KCNMB4: variants seen among roughly 807,000 people sequenced by gnomAD.
KCNMB4 encodes potassium calcium-activated channel subfamily M regulatory beta subunit 4.
Under a neutral mutation model 20.7 loss-of-function variants are expected in KCNMB4, and 3 were observed. The ratio of observed to expected loss-of-function variants is 0.14; its 90% CI spans 0.07 to 0.37. The LOEUF (loss-of-function observed/expected upper bound fraction) is 0.37. Among genes scored for constraint, KCNMB4 ranks in the 10% least tolerant of loss-of-function variants. The pLI is 1.00. For synonymous variants in KCNMB4, 110 were observed against 113.4 expected (o/e 0.97, Z 0.19); for missense variants, 168 against 265.9 (o/e 0.63, Z 2.56).
rs376186047 is a variant in KCNMB4 at position 70,405,692 on chromosome 12, C to T, written c.464+5356C>T. Among the ~76,000 whole-genome samples the T allele has an allele frequency of 5.9e-5, 9 of 152,310 alleles. No homozygotes were observed. The East Asian group carries it at 1.7e-3, about 29-fold the overall frequency. Reference sequence around the variant, plus strand: ...TGACTCTTCAAGATCCTGAAGAGCACTCCTCCTTTTACCACAGCAGTATTC... The same window carrying T: ...TGACTCTTCAAGATCCTGAAGAGCATTCCTCCTTTTACCACAGCAGTATTC... On this transcript the variant is annotated intron_variant, in intron 2 of 2. Transcript: ENST00000258111.
chr12:70,403,840 T>G (rs1868523187), intron 2 of KCNMB4, among the ~76,000 whole-genome samples: 1 of 152,242 alleles, frequency 6.6e-6, no homozygotes, highest in Non-Finnish European at 1.5e-5. Flanking sequence ...GTTAAGGGTA[T>G]GGGCCAGTCT....
intron 1 of KCNMB4, among the ~76,000 whole-genome samples, chr12:70,369,537 C>T (rs531896738): frequency 2.6e-5 from 4 of 152,266 alleles, no homozygotes; most frequent in South Asian, 2.1e-4. Context: ...GAATCCCAGC[C>T]GCCTCCAGGC....
chr12:70,424,398 G>C (rs1221746885), intron 2 of KCNMB4, among the ~76,000 whole-genome samples: 1 of 149,712 alleles, frequency 6.7e-6, no homozygotes, highest in Non-Finnish European at 1.5e-5. Flanking sequence ...CCGAGATCGC[G>C]CCACTGCAGT....
chr12:70,366,683 C>A lies in KCNMB4; in HGVS notation c.-52C>A. The A allele has an allele frequency of 7.7e-7, 1 of 1,300,304 alleles. No homozygotes were observed. The highest frequency in any genetic ancestry group is 9.8e-7 in the Non-Finnish European group (1 of 1,024,322). 80.5% of individuals were successfully genotyped at this position (1,300,304 alleles called of 1,614,324 possible). A position where few individuals can be genotyped will look rare whatever the true frequency, so the allele number is the denominator to read the frequency against. On this transcript the variant is annotated 5_prime_UTR_variant, in exon 1 of 3. Transcript: ENST00000258111. ...CGCCCGAGGCAGTCGGGCTCGGCGC[C>A]GGGGGCGGGAGGGGGCGGGGGGAGC... is the stretch of plus-strand genomic sequence containing the variant.
At chr12:70,371,123 C>T (rs1003266189) in intron 1 of KCNMB4, among the ~76,000 whole-genome samples, 4 of 152,200 alleles carry the variant, frequency 2.6e-5, no homozygotes, top group Non-Finnish European at 5.9e-5. Context: ...TCCCAAAGTG[C>T]TGGGATTACA....
chr12:70,393,897 C>G (rs1868326650), intron 1 of KCNMB4, among the ~76,000 whole-genome samples: 1 of 152,106 alleles, frequency 6.6e-6, no homozygotes, highest in Non-Finnish European at 1.5e-5. Context: ...TCTGTACATT[C>G]CATTTCTTCT....
intron 2 of KCNMB4, among the ~76,000 whole-genome samples, chr12:70,407,908 C>G (rs1051185456): frequency 6.6e-6 from 1 of 152,188 alleles, no homozygotes; most frequent in Non-Finnish European, 1.5e-5. Context: ...AGATTCTCCT[C>G]TCACCCCGAC....
At chr12:70,382,266 T>C (rs928134315) in intron 1 of KCNMB4, among the ~76,000 whole-genome samples, 7 of 151,506 alleles carry the variant, frequency 4.6e-5, no homozygotes, top group African/African-American at 1.7e-4. Context: ...ACCCTGTCTC[T>C]ACTAAAAATA....
At chr12:70,412,919 A>G (rs1268444677) in intron 2 of KCNMB4, among the ~76,000 whole-genome samples, 1 of 152,224 alleles carries the variant, frequency 6.6e-6, no homozygotes, top group African/African-American at 2.4e-5. Context: ...TTACAGGAAC[A>G]TATTGGCTTT....
chr12:70,378,396 C>T (rs1308435706), intron 1 of KCNMB4, among the ~76,000 whole-genome samples: 24 of 152,176 alleles, frequency 1.6e-4, no homozygotes, highest in Admixed American at 1.6e-3. Context: ...GTTATTTTAA[C>T]CTCCGTTCAT....
intron 2 of KCNMB4, among the ~76,000 whole-genome samples, chr12:70,401,636 C>CTTTT (rs11382485): frequency 7.1e-6 from 1 of 139,948 alleles, no homozygotes; most frequent in South Asian, 2.3e-4. Flanking sequence ...AGCAATGACA[C>CTTTT]TTTTTTTTTT....
At chr12:70,417,309 T>A (rs1868937014) in intron 2 of KCNMB4, among the ~76,000 whole-genome samples, 1 of 152,202 alleles carries the variant, frequency 6.6e-6, no homozygotes, top group African/African-American at 2.4e-5. Flanking sequence ...AACCAGGCGC[T>A]GGCAGCAGTT....
intron 2 of KCNMB4, among the ~76,000 whole-genome samples, chr12:70,429,096 AAAAG>A (rs2136145119): frequency 6.6e-6 from 1 of 152,334 alleles, no homozygotes; most frequent in Non-Finnish European, 1.5e-5. Context: ...ACTATAAGTA[AAAAG>A]AAATACCCAA....
intron 2 of KCNMB4, among the ~76,000 whole-genome samples, chr12:70,428,334 T>A (rs1398877293): frequency 1.3e-5 from 2 of 152,216 alleles, no homozygotes; most frequent in Non-Finnish European, 2.9e-5. Context: ...TGATACTAAG[T>A]AAAATTCACA....
At chr12:70,390,711 G>A (rs1593330323) in intron 1 of KCNMB4, among the ~76,000 whole-genome samples, 1 of 152,192 alleles carries the variant, frequency 6.6e-6, no homozygotes, top group Non-Finnish European at 1.5e-5. Flanking sequence ...CCAAATGTCA[G>A]TATATGTTTC....
At chr12:70,394,063 A>G (rs1868328180) in intron 1 of KCNMB4, among the ~76,000 whole-genome samples, 1 of 152,188 alleles carries the variant, frequency 6.6e-6, no homozygotes, top group African/African-American at 2.4e-5. Flanking sequence ...CTTTGTAAAT[A>G]TGCTACTATT....
chr12:70,380,718 G>A (rs1883771371), intron 1 of KCNMB4, among the ~76,000 whole-genome samples: 1 of 151,680 alleles, frequency 6.6e-6, no homozygotes, highest in African/African-American at 2.4e-5. Context: ...GCATTCAATA[G>A]GGAAAGAACA....
chr12:70,429,430 G>T (rs1035322713), intron 2 of KCNMB4, among the ~76,000 whole-genome samples: 5 of 152,108 alleles, frequency 3.3e-5, no homozygotes, highest in African/African-American at 4.8e-5. Flanking sequence ...ACTTTGGGAG[G>T]CCGAGGAGGG....
intron 2 of KCNMB4, among the ~76,000 whole-genome samples, chr12:70,413,229 G>A (rs1186530121): frequency 6.6e-6 from 1 of 152,186 alleles, no homozygotes; most frequent in African/African-American, 2.4e-5. Flanking sequence ...TTGAGAGTCT[G>A]TTTTCTAATG....
Sources: allele counts gnomAD v4.1 joint callset (sites outside exome capture counted in the v4.1 genomes callset), GRCh38; gene constraint gnomAD v4.1.1; transcripts MANE v1.5; gene names NCBI Gene and HGNC (gene_info 2026-07-23, HGNC 2026-07-21).